The following MID1 variants were observed in gnomAD, a reference collection of about 807,000 sequenced individuals.
MID1 encodes E3 ubiquitin-protein ligase Midline-1.
Under a neutral mutation model 40.4 loss-of-function variants are expected in MID1, and 7 were observed. The ratio of observed to expected loss-of-function variants is 0.17; its 90% confidence interval spans 0.10 to 0.33. The LOEUF is 0.33. Ranked by LOEUF, MID1 falls within the 10% of genes least tolerant of loss-of-function variation. MID1 has a pLI of 1.00. For missense variants in MID1, 367 were observed against 558.5 expected, an observed-to-expected ratio of 0.66 and a Z score of 3.46; for synonymous variants, 229 against 221.2, an observed-to-expected ratio of 1.04 and a Z score of -0.31.
chrX:10,456,072 G>T (rs1928647568), intron 8 of MID1, among the ~76,000 whole-genome samples: 1 of 112,260 alleles, frequency 8.9e-6, no homozygotes, highest in African/African-American at 3.2e-5. Context: ...TGTTGCAGTT[G>T]GCAGGTTCCT....
chrX:10,658,428 T>TGAA (rs2042889870), intron 1 of MID1, among the ~76,000 whole-genome samples: 1 of 5,570 alleles, frequency 1.8e-4, no homozygotes, highest in Non-Finnish European at 5.3e-4. Context: ...CCTTCAACTG[T>TGAA]AAAAAAAAAA....
intron 2 of MID1, among the ~76,000 whole-genome samples, chrX:10,535,605 C>G (rs985266717): frequency 1.8e-5 from 2 of 111,531 alleles, no homozygotes; most frequent in Non-Finnish European, 3.8e-5. Flanking sequence ...TTCCCAATGC[C>G]TAAAAAGAGC....
Position 10,754,315 on chromosome X carries a change from T to G in MID1, c.-187+79239A>C, listed in dbSNP as rs191616663. ...GACAAGAGAGTTTTTTTTTGTTTTTTGTTTTTTGTTTTTTTTGTCATCTGT... is the reference window on the plus strand; with the variant it reads ...GACAAGAGAGTTTTTTTTTGTTTTTGGTTTTTTGTTTTTTTTGTCATCTGT... On this transcript the variant is annotated intron_variant, in intron 1 of 10. Coordinates refer to the MID1 transcript ENST00000380785. 6.3e-3 allele frequency among the ~76,000 whole-genome samples: 672 copies of G among 106,949 alleles called. 7 individuals are homozygous for G. The highest frequency in any genetic ancestry group is 0.024 in the African/African-American group (634 of 26,465). 92.9% of individuals were successfully genotyped at this position (106,949 alleles called of 115,157 possible).
intron 1 of MID1, among the ~76,000 whole-genome samples, chrX:10,825,463 C>T (rs1226901214): frequency 2.7e-5 from 3 of 112,074 alleles, no homozygotes; most frequent in Non-Finnish European, 3.8e-5. Flanking sequence ...TAAATTGATG[C>T]TAGAAAAACG....
chrX:10,651,712 A>G (rs911750225), intron 1 of MID1, among the ~76,000 whole-genome samples: 15 of 112,079 alleles, frequency 1.3e-4, no homozygotes, highest in African/African-American at 4.9e-4. Flanking sequence ...TGCAGCCTCC[A>G]CCTTCTGGGT....
chrX:10,478,110 T>C (rs1174794509), intron 5 of MID1, among the ~76,000 whole-genome samples: 1 of 112,185 alleles, frequency 8.9e-6, no homozygotes, highest in African/African-American at 3.2e-5. Flanking sequence ...GAAGTTTCTT[T>C]TTATCACCTT....
intron 1 of MID1, among the ~76,000 whole-genome samples, chrX:10,799,550 C>A (rs1461045071): frequency 1.8e-5 from 2 of 111,987 alleles, no homozygotes; most frequent in Non-Finnish European, 3.8e-5. Flanking sequence ...AACCATGAAT[C>A]ATGTAATGAA....
intron 3 of MID1, among the ~76,000 whole-genome samples, chrX:10,511,550 GTTAA>G (rs1211158659): frequency 9.0e-6 from 1 of 111,083 alleles, no homozygotes; most frequent in Non-Finnish European, 1.9e-5. Flanking sequence ...CTCACAGTTG[GTTAA>G]TTAATTAATT....
At chrX:10,536,776 AAG>A (rs1392945049) in intron 2 of MID1, among the ~76,000 whole-genome samples, 21 of 112,423 alleles carry the variant, frequency 1.9e-4, no homozygotes, top group African/African-American at 6.8e-4. Flanking sequence ...AAGAGAGGAA[AAG>A]CTAAGTAGGA....
At chrX:10,559,136 T>C (rs1934236922) in intron 2 of MID1, among the ~76,000 whole-genome samples, 1 of 112,409 alleles carries the variant, frequency 8.9e-6, no homozygotes, top group Admixed American at 9.4e-5. Context: ...TTTTAATACA[T>C]TTTACAAATA....
At chrX:10,797,288 G>A (rs1000255710) in intron 1 of MID1, among the ~76,000 whole-genome samples, 6 of 111,359 alleles carry the variant, frequency 5.4e-5, no homozygotes, top group Non-Finnish European at 7.5e-5. Context: ...AATAAATTGG[G>A]CCTGTCCAGC....
intron 2 of MID1, among the ~76,000 whole-genome samples, chrX:10,550,463 T>A (rs1305574011): frequency 8.9e-6 from 1 of 111,813 alleles, no homozygotes; most frequent in Non-Finnish European, 1.9e-5. Context: ...GGGGCATGGG[T>A]GAGAGAAGCC....
chrX:10,608,434 A>C (rs937855006), intron 1 of MID1, among the ~76,000 whole-genome samples: 1 of 112,190 alleles, frequency 8.9e-6, no homozygotes, highest in African/African-American at 3.2e-5. Flanking sequence ...TACATGCAAC[A>C]ACTTGGATAA....
chrX:10,463,634 G>A (rs567431879), intron 7 of MID1, among the ~76,000 whole-genome samples: 6 of 112,297 alleles, frequency 5.3e-5, no homozygotes, highest in Non-Finnish European at 9.4e-5. Context: ...AGTACAGTCC[G>A]TATTTTTGTA....
intron 1 of MID1, among the ~76,000 whole-genome samples, chrX:10,671,696 A>G (rs2042988034): frequency 9.0e-6 from 1 of 110,569 alleles, no homozygotes; most frequent in African/African-American, 3.3e-5. Flanking sequence ...TGTCCTTAGT[A>G]TTTCTCAAAC....
At chrX:10,720,364 G>C (rs1214431198) in intron 1 of MID1, among the ~76,000 whole-genome samples, 21 of 111,265 alleles carry the variant, frequency 1.9e-4, no homozygotes, top group East Asian at 5.7e-4. Flanking sequence ...AAAAAACAAA[G>C]AACCCCATCA....
chrX:10,685,315 T>C (rs1417509762), intron 1 of MID1, among the ~76,000 whole-genome samples: 1 of 111,915 alleles, frequency 8.9e-6, no homozygotes, highest in Admixed American at 9.5e-5. Flanking sequence ...CTCCTTCCCT[T>C]CTGTCTCTCA....
At chrX:10,464,732 A>G (rs1425040035) in intron 7 of MID1, among the ~76,000 whole-genome samples, 1 of 112,010 alleles carries the variant, frequency 8.9e-6, no homozygotes, top group Non-Finnish European at 1.9e-5. Context: ...AGGGCTTCCT[A>G]GTTGACACTC....
chrX:10,656,620 G>A (rs1268105255), intron 1 of MID1, among the ~76,000 whole-genome samples: 1 of 111,508 alleles, frequency 9.0e-6, no homozygotes, highest in African/African-American at 3.3e-5. Context: ...ATTCTGTTTC[G>A]TTAGATTGAG....
Sources: allele counts gnomAD v4.1 joint callset (sites outside exome capture counted in the v4.1 genomes callset), GRCh38; gene constraint gnomAD v4.1.1; transcripts MANE v1.5; gene names NCBI Gene and HGNC (gene_info 2026-07-23, HGNC 2026-07-21).